GALNTL6: variants seen among roughly 807,000 people sequenced by gnomAD.
The protein encoded by GALNTL6 is polypeptide N-acetylgalactosaminyltransferase-like 6.
Under a neutral mutation model 73.7 loss-of-function variants are expected in GALNTL6, and 46 were observed. That is an observed-to-expected ratio of 0.62 (90% confidence interval 0.49 to 0.80). The LOEUF (loss-of-function observed/expected upper bound fraction) is 0.80. GALNTL6 is among the 30% of genes least tolerant of loss of function. The probability of loss-of-function intolerance (pLI) is 0.00; values close to 1 mark genes in which losing one functional copy is unlikely to be tolerated. For synonymous variants in GALNTL6, 259 were observed against 263.7 expected (o/e 0.98, Z 0.17); for missense variants, 604 against 755.0 (o/e 0.80, Z 2.34).
intron 5 of GALNTL6, among the ~76,000 whole-genome samples, chr4:172,605,098 A>G (rs996809185): frequency 6.6e-6 from 1 of 152,206 alleles, no homozygotes; most frequent in Non-Finnish European, 1.5e-5. Context: ...AAAATTGGCT[A>G]AAAGCATTTT....
intron 7 of GALNTL6, among the ~76,000 whole-genome samples, chr4:172,865,591 C>A (rs1744621190): frequency 1.3e-5 from 2 of 152,078 alleles, no homozygotes; most frequent in South Asian, 4.1e-4. Flanking sequence ...CTTTATGTAC[C>A]AATTTAGCTT....
chr4:172,791,804 A>G (rs977099879), intron 5 of GALNTL6, among the ~76,000 whole-genome samples: 2 of 152,222 alleles, frequency 1.3e-5, no homozygotes, highest in African/African-American at 2.4e-5. Context: ...AGAAAAAAAA[A>G]GTTAATTTCT....
intron 5 of GALNTL6, among the ~76,000 whole-genome samples, chr4:172,563,257 A>G (rs1447928043): frequency 6.6e-6 from 1 of 152,080 alleles, no homozygotes; most frequent in Non-Finnish European, 1.5e-5. Flanking sequence ...TGTAGCAGAA[A>G]CCTTCTCTCC....
chr4:172,188,122 G>A (rs982198915), intron 2 of GALNTL6, among the ~76,000 whole-genome samples: 3 of 152,120 alleles, frequency 2.0e-5, no homozygotes, highest in South Asian at 2.1e-4. Context: ...TTGATCATTC[G>A]TTGGGGAAGT....
chr4:172,645,948 C>T (rs1361478173), intron 5 of GALNTL6, among the ~76,000 whole-genome samples: 1 of 151,874 alleles, frequency 6.6e-6, no homozygotes, highest in Non-Finnish European at 1.5e-5. Flanking sequence ...ATAGGGAGAA[C>T]ACCTCTTCCA....
At chr4:172,640,066 C>A (rs547047925) in intron 5 of GALNTL6, among the ~76,000 whole-genome samples, 2 of 152,202 alleles carry the variant, frequency 1.3e-5, no homozygotes, top group East Asian at 3.9e-4. Flanking sequence ...TGGTTACTGT[C>A]CCCAATTCCT....
At chr4:172,630,011 A>G (rs1739326193) in intron 5 of GALNTL6, among the ~76,000 whole-genome samples, 1 of 152,188 alleles carries the variant, frequency 6.6e-6, no homozygotes, top group African/African-American at 2.4e-5. Flanking sequence ...TCTGTAGTTA[A>G]CTAGAGAATT....
At chr4:171,954,141 C>G (rs199613059) in intron 2 of GALNTL6, among the ~76,000 whole-genome samples, 1 of 152,010 alleles carries the variant, frequency 6.6e-6, no homozygotes, top group Non-Finnish European at 1.5e-5. Flanking sequence ...TTTATGTAGC[C>G]TTATTTTGTG....
chr4:172,035,855 T>C (rs1308824124), intron 2 of GALNTL6, among the ~76,000 whole-genome samples: 1 of 152,120 alleles, frequency 6.6e-6, no homozygotes, highest in East Asian at 1.9e-4. Flanking sequence ...GAATCTAACT[T>C]ATGATTTCTG....
intron 7 of GALNTL6, among the ~76,000 whole-genome samples, chr4:172,842,784 G>T (rs576951917): frequency 6.6e-6 from 1 of 151,270 alleles, no homozygotes; most frequent in East Asian, 2.0e-4. Context: ...GAAATTACAA[G>T]AATTTTTCAC....
At chr4:172,059,240 A>C (rs1055633934) in intron 2 of GALNTL6, among the ~76,000 whole-genome samples, 1 of 152,206 alleles carries the variant, frequency 6.6e-6, no homozygotes, top group Non-Finnish European at 1.5e-5. Context: ...CAGACAGAAT[A>C]AGAGGAAGCA....
intron 2 of GALNTL6, among the ~76,000 whole-genome samples, chr4:171,897,889 T>C (rs1374776021): frequency 1.4e-5 from 2 of 147,348 alleles, no homozygotes; most frequent in African/African-American, 5.0e-5. Context: ...ATCGTGCCAC[T>C]GCACTCCAGC....
chr4:172,065,159 G>A (rs1303039435), intron 2 of GALNTL6, among the ~76,000 whole-genome samples: 1 of 113,212 alleles, frequency 8.8e-6, no homozygotes, highest in Admixed American at 9.0e-5. Context: ...AATTTTGATA[G>A]GGTTGGGGGT....
chr4:173,009,451 G>A (rs563333648), intron 11 of GALNTL6, among the ~76,000 whole-genome samples, 157 bp downstream of exon 11: 1 of 152,340 alleles, frequency 6.6e-6, no homozygotes, highest in South Asian at 2.1e-4. Context: ...GCAGTTCAGT[G>A]AATCACTTAA....
chr4:172,213,639 G>C (rs1736401958), intron 2 of GALNTL6, among the ~76,000 whole-genome samples: 1 of 152,036 alleles, frequency 6.6e-6, no homozygotes, highest in Non-Finnish European at 1.5e-5. Context: ...TAAACTTTAA[G>C]AGTTATTTGT....
intron 5 of GALNTL6, among the ~76,000 whole-genome samples, chr4:172,771,766 T>A (rs542271263): frequency 6.6e-6 from 1 of 152,210 alleles, no homozygotes; most frequent in Non-Finnish European, 1.5e-5. Context: ...TGGGTTAAGT[T>A]TAAGAATTCT....
At chr4:172,073,739 G>A (rs533307440) in intron 2 of GALNTL6, among the ~76,000 whole-genome samples, 1 of 152,328 alleles carries the variant, frequency 6.6e-6, no homozygotes, top group Admixed American at 6.5e-5. Flanking sequence ...ACAGCAGCAG[G>A]GCTGGAGATT....
intron 5 of GALNTL6, among the ~76,000 whole-genome samples, chr4:172,764,121 G>C (rs1156336076): frequency 6.6e-6 from 1 of 151,964 alleles, no homozygotes; most frequent in East Asian, 1.9e-4. Flanking sequence ...ACTGCGCCCA[G>C]CTAATTTTGT....
chr4:172,662,987 T>C (rs2111183908), intron 5 of GALNTL6, among the ~76,000 whole-genome samples: 1 of 152,270 alleles, frequency 6.6e-6, no homozygotes, highest in African/African-American at 2.4e-5. Context: ...AGAAAGAGCC[T>C]GCTGGGCAGG....
Sources: gnomAD v4.1 joint callset for allele counts (sites outside exome capture counted in the v4.1 genomes callset) on GRCh38, gnomAD v4.1.1 for gene constraint, MANE v1.5 for transcripts, NCBI Gene and HGNC (gene_info 2026-07-23, HGNC 2026-07-21) for gene names.